The following PDE4B variants were observed in gnomAD, a reference collection of about 807,000 sequenced individuals.
The protein encoded by PDE4B is phosphodiesterase 4B, also known as 3',5'-cyclic-AMP phosphodiesterase 4B.
Under a neutral mutation model 82.2 loss-of-function variants are expected in PDE4B, and 20 were observed. That is an observed-to-expected ratio of 0.24 (90% confidence interval 0.17 to 0.35). The LOEUF (loss-of-function observed/expected upper bound fraction) is 0.35. Among genes scored for constraint, PDE4B ranks in the 10% least tolerant of loss-of-function variants. PDE4B has a pLI of 1.00. For synonymous variants in PDE4B, 320 were observed against 318.9 expected, an observed-to-expected ratio of 1.00 and a Z score of -0.04; for missense variants, 655 against 907.2, an observed-to-expected ratio of 0.72 and a Z score of 3.57.
At chr1:65,852,586 C>T (rs1426402076) in intron 1 of PDE4B, among the ~76,000 whole-genome samples, 1 of 151,706 alleles carries the variant, frequency 6.6e-6, no homozygotes, top group Non-Finnish European at 1.5e-5. Flanking sequence ...AATTTAAATC[C>T]ATGTCTCTCA....
intron 3 of PDE4B, among the ~76,000 whole-genome samples, chr1:66,204,676 C>T (rs959190516): frequency 1.2e-4 from 18 of 152,292 alleles, no homozygotes; most frequent in Non-Finnish European, 1.9e-4. Flanking sequence ...CCTGGTGTGC[C>T]GTTTTTTAAG....
chr1:65,981,972 C>T lies in PDE4B; in HGVS notation c.281+63137C>T, dbSNP rs1650713039. 3.9e-5 allele frequency among the ~76,000 whole-genome samples: 6 copies of T among 152,034 alleles called. No individual in the cohort carries two copies. In the South Asian group the frequency reaches 1.2e-3, roughly 32 times the overall value. On this transcript the variant is annotated intron_variant, in intron 3 of 16. Coordinates refer to ENST00000341517, the MANE Select transcript of PDE4B (RefSeq NM_002600.4). ...CAATAAATTTCTGTTGATTAAGCCA[C>T]CCAGACTGTGGTATTACCAAGAAGT...
chr1:65,846,672 C>T (rs1443224956), intron 1 of PDE4B, among the ~76,000 whole-genome samples: 2 of 152,100 alleles, frequency 1.3e-5, no homozygotes, highest in Non-Finnish European at 2.9e-5. Flanking sequence ...ATTTCCAAAG[C>T]TTTCTGGAGT....
At chr1:66,015,324 G>A (rs192907982) in intron 3 of PDE4B, among the ~76,000 whole-genome samples, 4 of 152,104 alleles carry the variant, frequency 2.6e-5, no homozygotes, top group South Asian at 2.1e-4. Flanking sequence ...CTACTTACAG[G>A]AGAAAGATGC....
intron 3 of PDE4B, among the ~76,000 whole-genome samples, chr1:66,120,528 A>G (rs1426899082): frequency 1.3e-5 from 2 of 152,208 alleles, no homozygotes; most frequent in Non-Finnish European, 1.5e-5. Context: ...TGGACTCAGT[A>G]CACAAATGGG....
intron 3 of PDE4B, among the ~76,000 whole-genome samples, chr1:65,930,508 G>A (rs1418789355): frequency 1.3e-5 from 2 of 152,266 alleles, no homozygotes; most frequent in East Asian, 3.8e-4. Context: ...GAAGGCCACA[G>A]GGGCGGAGCT....
At chr1:66,104,038 T>A (rs1261947378) in intron 3 of PDE4B, among the ~76,000 whole-genome samples, 1 of 151,634 alleles carries the variant, frequency 6.6e-6, no homozygotes, top group Non-Finnish European at 1.5e-5. Context: ...GCTGCACCCA[T>A]TAACTCGTCA....
intron 3 of PDE4B, among the ~76,000 whole-genome samples, chr1:65,919,747 C>T (rs1411765437): frequency 2.0e-5 from 3 of 152,004 alleles, no homozygotes; most frequent in Admixed American, 6.6e-5. Flanking sequence ...GTACCATGTA[C>T]AGAGCTCTGC....
intron 3 of PDE4B, among the ~76,000 whole-genome samples, chr1:65,985,767 TG>T (rs766463077): frequency 1.3e-5 from 2 of 152,114 alleles, no homozygotes; most frequent in Non-Finnish European, 2.9e-5. Context: ...TTTTATTCTA[TG>T]TAATCTGCCT....
chr1:66,116,050 C>G (rs17128413), intron 3 of PDE4B, among the ~76,000 whole-genome samples: 4,370 of 152,278 alleles, frequency 0.029, 233 homozygotes, highest in African/African-American at 0.099. Flanking sequence ...GAATGCTTAT[C>G]CAATGTGTGG....
At chr1:65,972,650 A>C (rs1042329490) in intron 3 of PDE4B, among the ~76,000 whole-genome samples, 1 of 152,192 alleles carries the variant, frequency 6.6e-6, no homozygotes, top group African/African-American at 2.4e-5. Flanking sequence ...TGTTTACCAA[A>C]AAGTAGACTA....
At chr1:66,224,683 C>A (rs1290086507) in intron 3 of PDE4B, among the ~76,000 whole-genome samples, 3 of 152,186 alleles carry the variant, frequency 2.0e-5, no homozygotes, top group Non-Finnish European at 4.4e-5. Context: ...TGTGCCATTG[C>A]ACTCCATCCT....
intron 3 of PDE4B, among the ~76,000 whole-genome samples, chr1:66,174,040 G>A (rs966977466): frequency 6.6e-6 from 1 of 152,296 alleles, no homozygotes; most frequent in African/African-American, 2.4e-5. Context: ...GCCTGCCTTG[G>A]CCTCCCAAAG....
At chr1:65,976,496 G>A (rs1650414510) in intron 3 of PDE4B, among the ~76,000 whole-genome samples, 1 of 152,130 alleles carries the variant, frequency 6.6e-6, no homozygotes, top group African/African-American at 2.4e-5. Flanking sequence ...TGGGACTGTT[G>A]GGGAGGCATG....
chr1:65,803,774 T>C (rs1323726469), intron 1 of PDE4B, among the ~76,000 whole-genome samples: 1 of 152,196 alleles, frequency 6.6e-6, no homozygotes, highest in Non-Finnish European at 1.5e-5. Flanking sequence ...ACTAAAAAAA[T>C]CTTCAATAAA....
chr1:66,296,783 TATTC>T (rs1657543741), intron 7 of PDE4B, among the ~76,000 whole-genome samples: 1 of 151,984 alleles, frequency 6.6e-6, no homozygotes, highest in African/African-American at 2.4e-5. Context: ...TAGCAGCTCT[TATTC>T]ATGTGAATTT....
Position 65,897,241 on chromosome 1 carries a change from A to G in PDE4B, c.-70-16004A>G, listed in dbSNP as rs542988946. ...TCAACCCAGAGTTTGTCTGAATCCA[A>G]TTGCAGAGACCTTACCTGTACACAG... On this transcript the variant is annotated intron_variant, in intron 1 of 16. Coordinates refer to ENST00000341517, the MANE Select transcript of PDE4B (RefSeq NM_002600.4). Among the ~76,000 whole-genome samples the G allele has an allele frequency of 8.5e-4, 129 of 152,266 alleles. 3 individuals are homozygous for G. In the South Asian group the frequency reaches 0.026, roughly 30 times the overall value.
chr1:65,897,421 T>C (rs1317401994), intron 1 of PDE4B, among the ~76,000 whole-genome samples: 1 of 152,140 alleles, frequency 6.6e-6, no homozygotes, highest in African/African-American at 2.4e-5. Flanking sequence ...ATGTGCAGGC[T>C]TGTTACTTGG....
intron 3 of PDE4B, among the ~76,000 whole-genome samples, chr1:66,034,353 A>G (rs1325531240): frequency 2.6e-5 from 4 of 152,248 alleles, no homozygotes; most frequent in Non-Finnish European, 4.4e-5. Flanking sequence ...TATGTAAGCC[A>G]CTTCTTCTTT....
Sources: gnomAD v4.1 joint callset for allele counts (sites outside exome capture counted in the v4.1 genomes callset) on GRCh38, gnomAD v4.1.1 for gene constraint, MANE v1.5 for transcripts, NCBI Gene and HGNC (gene_info 2026-07-23, HGNC 2026-07-21) for gene names.